Variants in RBFOX1 observed in about 807,000 individuals in gnomAD.
RBFOX1 encodes the protein RNA binding fox-1 homolog 1, also known as RNA binding protein fox-1 homolog 1.
In RBFOX1, 8 loss-of-function variants were observed where a neutral mutation model predicts 57.7. The ratio of observed to expected loss-of-function variants is 0.14; its 90% CI spans 0.08 to 0.25. The LOEUF (loss-of-function observed/expected upper bound fraction) is 0.25, where lower values mean the gene tolerates loss of function less well. Ranked by LOEUF, RBFOX1 falls within the 10% of genes least tolerant of loss-of-function variation. The probability of loss-of-function intolerance (pLI) is 1.00; values close to 1 mark genes in which losing one functional copy is unlikely to be tolerated. For synonymous variants in RBFOX1, 326 were observed against 222.4 expected (o/e 1.47, Z -4.15); for missense variants, 611 against 548.5 (o/e 1.11, Z -1.14).
At chr16:6,141,733 C>A (rs1373039048) in intron 1 of RBFOX1, among the ~76,000 whole-genome samples, 1 of 151,914 alleles carries the variant, frequency 6.6e-6, no homozygotes, top group East Asian at 1.9e-4. Flanking sequence ...CATTTTTCTC[C>A]ATTGTGTAAT....
At chr16:5,625,334 G>A (rs1056429871) in intron 3 of RBFOX1, among the ~76,000 whole-genome samples, 1 of 151,958 alleles carries the variant, frequency 6.6e-6, no homozygotes, top group Non-Finnish European at 1.5e-5. Flanking sequence ...GCTGTCAGGG[G>A]CTGCTCCACT....
At chr16:5,828,481 C>G (rs1169718743) in intron 3 of RBFOX1, among the ~76,000 whole-genome samples, 1 of 151,918 alleles carries the variant, frequency 6.6e-6, no homozygotes, top group African/African-American at 2.4e-5. Flanking sequence ...GGGCGGATCG[C>G]GAGGTCAATA....
intron 3 of RBFOX1, among the ~76,000 whole-genome samples, chr16:6,783,863 T>C (rs2154239616): frequency 6.6e-6 from 1 of 152,270 alleles, no homozygotes; most frequent in South Asian, 2.1e-4. Flanking sequence ...TTTGTTTGTC[T>C]GAGAAAGTCT....
intron 3 of RBFOX1, among the ~76,000 whole-genome samples, chr16:5,708,017 A>G (rs1253026015): frequency 6.6e-6 from 1 of 152,148 alleles, no homozygotes. Flanking sequence ...GGTTCACCAC[A>G]TGGTTAATTA....
intron 1 of RBFOX1, among the ~76,000 whole-genome samples, chr16:5,240,316 C>G (rs193272265): frequency 8.6e-4 from 131 of 152,132 alleles, no homozygotes; most frequent in Non-Finnish European, 1.1e-3. Flanking sequence ...TCCTGATTCT[C>G]CCACGACGTC....
upstream of RBFOX1, among the ~76,000 whole-genome samples, chr16:6,016,310 A>C (rs1392391094): frequency 6.6e-6 from 1 of 152,210 alleles, no homozygotes; most frequent in Admixed American, 6.5e-5. Context: ...AGTGATATTG[A>C]AATGGAGATC....
At chr16:7,502,932 A>T (rs967211458) in intron 4 of RBFOX1, among the ~76,000 whole-genome samples, 2 of 152,118 alleles carry the variant, frequency 1.3e-5, no homozygotes, top group Non-Finnish European at 2.9e-5. Flanking sequence ...CTGAGGCAGG[A>T]GAGTCGCTTG....
At chr16:6,474,209 C>T (rs1018093339) in intron 2 of RBFOX1, among the ~76,000 whole-genome samples, 1 of 152,044 alleles carries the variant, frequency 6.6e-6, no homozygotes, top group Non-Finnish European at 1.5e-5. Flanking sequence ...TACTATTATC[C>T]AGTTTTTATT....
chr16:7,480,792 G>T (rs567330210), intron 4 of RBFOX1, among the ~76,000 whole-genome samples: 55 of 152,146 alleles, frequency 3.6e-4, no homozygotes, highest in Non-Finnish European at 6.5e-4. Context: ...TTAATGATCT[G>T]CTGGGCCTTG....
intron 1 of RBFOX1, among the ~76,000 whole-genome samples, chr16:6,153,837 A>T (rs2096819538): frequency 6.6e-6 from 1 of 152,130 alleles, no homozygotes; most frequent in South Asian, 2.1e-4. Context: ...TGCCCGGCCC[A>T]TTATATCATC....
At chr16:7,528,274 T>A (rs2079153045) in intron 5 of RBFOX1, among the ~76,000 whole-genome samples, 1 of 152,208 alleles carries the variant, frequency 6.6e-6, no homozygotes, top group South Asian at 2.1e-4. Context: ...GCTTTGTGCT[T>A]ATTCACACCT....
At chr16:6,269,602 A>G (rs868468447) in intron 1 of RBFOX1, among the ~76,000 whole-genome samples, 1 of 152,214 alleles carries the variant, frequency 6.6e-6, no homozygotes, top group Non-Finnish European at 1.5e-5. Flanking sequence ...TGCTGAAAGA[A>G]AATACTTGTC....
chr16:5,665,369 C>G (rs1209768549), intron 3 of RBFOX1, among the ~76,000 whole-genome samples: 2 of 152,178 alleles, frequency 1.3e-5, no homozygotes, highest in East Asian at 1.9e-4. Flanking sequence ...TAAGGACATC[C>G]TATCTTATGG....
At chr16:6,955,348 GCACACACA>G (rs34550051) in intron 3 of RBFOX1, among the ~76,000 whole-genome samples, 10 of 150,328 alleles carry the variant, frequency 6.7e-5, no homozygotes, top group East Asian at 3.9e-4. Flanking sequence ...CCCCACATAT[GCACACACA>G]CACACACACA....
At chr16:6,355,672 A>G (rs186685508) in intron 2 of RBFOX1, among the ~76,000 whole-genome samples, 198 of 152,312 alleles carry the variant, frequency 1.3e-3, no homozygotes, top group Middle Eastern at 6.8e-3. Context: ...GCTGGGTCAA[A>G]TGGTATTTCT....
At chr16:6,532,474 C>A (rs1490814124) in intron 2 of RBFOX1, among the ~76,000 whole-genome samples, 1 of 152,158 alleles carries the variant, frequency 6.6e-6, no homozygotes. Context: ...CAGTTACTTT[C>A]TGCTTTAAGG....
intron 2 of RBFOX1, among the ~76,000 whole-genome samples, chr16:6,570,491 C>G (rs900748702): frequency 5.9e-5 from 9 of 152,036 alleles, no homozygotes; most frequent in African/African-American, 1.9e-4. Flanking sequence ...CCACTGTACT[C>G]TCTCTATATA....
At chr16:6,253,348 C>T (rs1029234606) in intron 1 of RBFOX1, among the ~76,000 whole-genome samples, 1 of 152,152 alleles carries the variant, frequency 6.6e-6, no homozygotes, top group African/African-American at 2.4e-5. Context: ...CCTACTTTGA[C>T]ACAAGCTGTG....
At chr16:6,612,253 A>C (rs1041268602) in intron 2 of RBFOX1, among the ~76,000 whole-genome samples, 2 of 152,072 alleles carry the variant, frequency 1.3e-5, no homozygotes, top group African/African-American at 4.8e-5. Flanking sequence ...TATTCCCCTA[A>C]ATGTTAAAAT....
Sources: allele counts gnomAD v4.1 joint callset (sites outside exome capture counted in the v4.1 genomes callset), GRCh38; gene constraint gnomAD v4.1.1; transcripts MANE v1.5; gene names NCBI Gene and HGNC (gene_info 2026-07-23, HGNC 2026-07-21).